The following AHI1 variants were observed in gnomAD, a reference collection of about 807,000 sequenced individuals.
AHI1 encodes Abelson helper integration site 1.
A neutral mutation model predicts 149.3 loss-of-function variants in AHI1; 123 were observed. The observed-to-expected ratio is 0.82, with a 90% confidence interval of 0.71 to 0.96. The LOEUF (loss-of-function observed/expected upper bound fraction) is 0.96, where lower values mean the gene tolerates loss of function less well. Among genes scored for constraint, AHI1 ranks in the 40% least tolerant of loss-of-function variants. The probability of loss-of-function intolerance (pLI) is 0.00; values close to 1 mark genes in which losing one functional copy is unlikely to be tolerated. For missense variants in AHI1, 1,439 were observed against 1,422.7 expected, an observed-to-expected ratio of 1.01 and a Z score of -0.18; for synonymous variants, 475 against 459.8, an observed-to-expected ratio of 1.03 and a Z score of -0.42.
chr6:135,324,836 C>A (rs745644413), intron 24 of AHI1, among the ~76,000 whole-genome samples: 13 of 151,990 alleles, frequency 8.6e-5, no homozygotes, highest in Non-Finnish European at 1.5e-4. Flanking sequence ...CCTTTTAATC[C>A]ATTTAACAAT....
At chr6:135,495,969 T>A (rs1346878064) in intron 2 of AHI1, 71 bp from the exon 3 acceptor site, 1 of 152,172 alleles carries the variant, frequency 6.6e-6, no homozygotes, top group East Asian at 1.9e-4. Context: ...TTTATGTCCA[T>A]TATTATTGTA....
At chr6:135,381,582 C>G (rs575624860) in intron 23 of AHI1, among the ~76,000 whole-genome samples, 7 of 152,154 alleles carry the variant, frequency 4.6e-5, no homozygotes, top group Non-Finnish European at 8.8e-5. Flanking sequence ...ATTCTGAGTT[C>G]TAAGCTATCA....
intron 19 of AHI1, 83 bp downstream of exon 19, chr6:135,428,546 A>G (rs1292374198): frequency 2.2e-6 from 3 of 1,376,962 alleles, no homozygotes; most frequent in Non-Finnish European, 2.8e-6. Flanking sequence ...CTTGAAAATT[A>G]TTCCATAAAA....
At chr6:135,495,728 GAGA>G (rs1795872704) in intron 3 of AHI1, 83 bp downstream of exon 3, 1 of 152,254 alleles carries the variant, frequency 6.6e-6, no homozygotes, top group African/African-American at 2.4e-5. Flanking sequence ...GAAAAGAGAG[GAGA>G]AGAAGAGAGA....
Position 135,411,351 on chromosome 6 carries a change from G to A in AHI1, c.2958C>T (p.Val986=), listed in dbSNP as rs1554326400. The A allele has an allele frequency of 1.2e-6, 2 of 1,606,916 alleles. No homozygotes were observed. The highest frequency in any genetic ancestry group is 1.7e-6 in the Non-Finnish European group (2 of 1,174,118). The change falls in exon 21 of 29, where the codon GTC becomes GTT. Residue 986 remains valine (V), a synonymous_variant. Coordinates refer to ENST00000265602, the MANE Select transcript of AHI1 (RefSeq NM_001134831.2). Reference sequence around the variant, plus strand: ...CAACTGCATAAAATAAACTTACTGTGACAGTTTCAAGCCTCTGTTTTACTA... The same window carrying A: ...CAACTGCATAAAATAAACTTACTGTAACAGTTTCAAGCCTCTGTTTTACTA... ...MQLVKQRLET[V]TEVIRSCAAK...
intron 5 of AHI1, among the ~76,000 whole-genome samples, chr6:135,471,989 G>A (rs1483536252): frequency 6.9e-5 from 8 of 115,534 alleles, no homozygotes; most frequent in Admixed American, 3.9e-4. Context: ...TCCGCAGTCC[G>A]GCCTGGGCGA....
At chr6:135,411,239 T>C in intron 21 of AHI1, 109 bp downstream of exon 21, 3 of 1,050,912 alleles carry the variant, frequency 2.9e-6, no homozygotes, top group South Asian at 3.2e-5. Flanking sequence ...TATAGGAAGG[T>C]CTAATTTTAA....
intron 23 of AHI1, among the ~76,000 whole-genome samples, chr6:135,369,953 C>T (rs1338229021): frequency 1.3e-5 from 2 of 152,134 alleles, no homozygotes; most frequent in Non-Finnish European, 2.9e-5. Context: ...AGTTATTTAA[C>T]ATATGTGTAA....
At chr6:135,462,801 C>T (rs1348948623) in intron 8 of AHI1, among the ~76,000 whole-genome samples, 3 of 151,662 alleles carry the variant, frequency 2.0e-5, no homozygotes, top group Non-Finnish European at 4.4e-5. Context: ...CTCAGGAGGC[C>T]GAGGCAGGAG....
At chr6:135,348,958 T>C (rs1261295010) in intron 24 of AHI1, among the ~76,000 whole-genome samples, 4 of 152,110 alleles carry the variant, frequency 2.6e-5, no homozygotes, top group African/African-American at 9.7e-5. Flanking sequence ...GAGGCACAAA[T>C]ATATAAATAA....
chr6:135,362,502 T>G (rs1250279988), intron 23 of AHI1, among the ~76,000 whole-genome samples: 1 of 152,208 alleles, frequency 6.6e-6, no homozygotes, highest in African/African-American at 2.4e-5. Context: ...GCAGGGATGT[T>G]CCCTTTTCAC....
At chr6:135,447,735 T>C (rs1787465091) in intron 12 of AHI1, among the ~76,000 whole-genome samples, 1 of 152,182 alleles carries the variant, frequency 6.6e-6, no homozygotes, top group Non-Finnish European at 1.5e-5. Flanking sequence ...TATTAATCTA[T>C]GGAAAACAGC....
intron 23 of AHI1, among the ~76,000 whole-genome samples, chr6:135,358,608 A>C (rs1793367174): frequency 6.6e-6 from 1 of 152,240 alleles, no homozygotes; most frequent in South Asian, 2.1e-4. Flanking sequence ...AAGAATAAAT[A>C]AATCCATCTG....
intron 2 of AHI1, among the ~76,000 whole-genome samples, 165 bp from the exon 3 acceptor site, chr6:135,496,063 A>G (rs1795919262): frequency 6.6e-6 from 1 of 152,088 alleles, no homozygotes; most frequent in African/African-American, 2.4e-5. Flanking sequence ...AACTAAACTA[A>G]TAAATACTAA....
At chr6:135,291,983 A>G (rs1421414036) in intron 27 of AHI1, among the ~76,000 whole-genome samples, 1 of 152,232 alleles carries the variant, frequency 6.6e-6, no homozygotes, top group Non-Finnish European at 1.5e-5. Context: ...GAGGCAGTCT[A>G]TCTCAGCTCA....
At chr6:135,481,398 A>G (rs1044543785) in intron 5 of AHI1, among the ~76,000 whole-genome samples, 3 of 152,182 alleles carry the variant, frequency 2.0e-5, no homozygotes, top group African/African-American at 4.8e-5. Context: ...TGGATTTTGT[A>G]TATCTGCATT....
rs1786484423 is a variant in AHI1, at chr6:135,442,594, A to G, written c.1900T>C (p.Tyr634His). 1.2e-6 allele frequency: 2 copies of G among 1,608,594 alleles called. No homozygotes were observed. The highest frequency in any genetic ancestry group is 1.3e-5 in the African/African-American group (1 of 74,874). ...LAAACASRDG[Y>H]PIILYEIPSG... ...GATTATTACTCACAAATAATTGGAT[A>G]TCCATCCCGGCTGGCACAAGCTGCT... The change falls in exon 14 of 29, where the codon TAT becomes CAT. Residue 634 changes from tyrosine to histidine, a missense_variant. Transcript: ENST00000265602.
intron 17 of AHI1, among the ~76,000 whole-genome samples, chr6:135,430,203 G>A (rs1228473867): frequency 1.3e-5 from 2 of 151,922 alleles, no homozygotes; most frequent in African/African-American, 4.8e-5. Flanking sequence ...GTTATGCAAT[G>A]TGCAAATGCA....
intron 21 of AHI1, among the ~76,000 whole-genome samples, chr6:135,406,788 C>A (rs1012431664): frequency 6.6e-6 from 1 of 152,134 alleles, no homozygotes; most frequent in Admixed American, 6.5e-5. Flanking sequence ...AGTGTTCAGG[C>A]TGCCAGAATG....
Sources: gnomAD v4.1 joint callset for allele counts (sites outside exome capture counted in the v4.1 genomes callset) on GRCh38, gnomAD v4.1.1 for gene constraint, MANE v1.5 for transcripts, NCBI Gene and HGNC (gene_info 2026-07-23, HGNC 2026-07-21) for gene names.